Variants in UBE2E1 observed in about 807,000 individuals in gnomAD.
UBE2E1 encodes the protein ubiquitin conjugating enzyme E2 E1.
In UBE2E1, 6 loss-of-function variants were observed where a neutral mutation model predicts 21.4. That is an observed-to-expected ratio of 0.28 (90% CI 0.15 to 0.55). UBE2E1 has a LOEUF of 0.55. UBE2E1 is among the 20% of genes least tolerant of loss of function. The pLI, the probability that UBE2E1 is intolerant of heterozygous loss-of-function variation, is 0.93. For missense variants in UBE2E1, 142 were observed against 236.5 expected (o/e 0.60, Z 2.62); for synonymous variants, 87 against 82.7 (o/e 1.05, Z -0.28).
At chr3:23,886,115 C>T (rs972852445) in intron 3 of UBE2E1, among the ~76,000 whole-genome samples, 3 of 152,064 alleles carry the variant, frequency 2.0e-5, no homozygotes, top group Admixed American at 2.0e-4. Flanking sequence ...GTGGGAGGAT[C>T]ACTTGAGCCT....
At chr3:23,862,954 G>A (rs1386995162) in intron 3 of UBE2E1, among the ~76,000 whole-genome samples, 2 of 151,282 alleles carry the variant, frequency 1.3e-5, no homozygotes, top group East Asian at 1.9e-4. Context: ...TTGAACTTGC[G>A]ACCTCAAGCA....
At chr3:23,821,973 C>T (rs1699656131) in intron 3 of UBE2E1, among the ~76,000 whole-genome samples, 1 of 152,156 alleles carries the variant, frequency 6.6e-6, no homozygotes, top group Non-Finnish European at 1.5e-5. Flanking sequence ...GAATGCCTTT[C>T]TCTCTCCTAG....
rs1201791461 is a variant in UBE2E1 at position 23,827,257 on chromosome 3, T to G, written c.203+15747T>G. Among the ~76,000 whole-genome samples the G allele has an allele frequency of 3.3e-5, 5 of 152,226 alleles. No homozygotes were observed. In the East Asian group the frequency reaches 9.6e-4, roughly 29 times the overall value. On this transcript the variant is annotated intron_variant, in intron 3 of 5. Coordinates refer to ENST00000306627, the MANE Select transcript of UBE2E1 (RefSeq NM_003341.5). ...GAATTTTGGTAATTCTAAAATGATA[T>G]GAATGCATGAATATATCCAGTATTC...
At chr3:23,878,556 G>C (rs1700969620) in intron 3 of UBE2E1, among the ~76,000 whole-genome samples, 1 of 152,224 alleles carries the variant, frequency 6.6e-6, no homozygotes, top group South Asian at 2.1e-4. Flanking sequence ...AGCTCCATCT[G>C]TATTTACAGC....
At chr3:23,858,588 A>G (rs1241576819) in intron 3 of UBE2E1, among the ~76,000 whole-genome samples, 1 of 152,146 alleles carries the variant, frequency 6.6e-6, no homozygotes, top group African/African-American at 2.4e-5. Context: ...CCAAAGTGCT[A>G]GGATTACAGG....
At chr3:23,813,023 C>T (rs895181348) in intron 3 of UBE2E1, among the ~76,000 whole-genome samples, 1 of 151,358 alleles carries the variant, frequency 6.6e-6, no homozygotes, top group African/African-American at 2.4e-5. Context: ...AAGTACACTT[C>T]AGTTTCACAT....
intron 3 of UBE2E1, among the ~76,000 whole-genome samples, chr3:23,832,119 C>G (rs1432056815): frequency 6.6e-6 from 1 of 152,214 alleles, no homozygotes; most frequent in Non-Finnish European, 1.5e-5. Context: ...TGTCAGCCAT[C>G]TAGCACAGGG....
chr3:23,821,717 G>A (rs932381810), intron 3 of UBE2E1, among the ~76,000 whole-genome samples: 2 of 152,148 alleles, frequency 1.3e-5, no homozygotes, highest in Non-Finnish European at 2.9e-5. Flanking sequence ...TGATAGTGAT[G>A]TTTTACTGAT....
rs1699334244 is a variant in UBE2E1 at position 23,808,976 on chromosome 3, A to G, written c.152+1555A>G. The stretch of plus-strand genomic sequence containing the variant: ...GGGGGTAAAGACACAGGTATCAAAT[A>G]GAAAATACTCTGCTTTTGTTGTGAG... On this transcript the variant is annotated intron_variant, in intron 2 of 5. Coordinates refer to ENST00000306627, the MANE Select transcript of UBE2E1 (RefSeq NM_003341.5). This position sits in a 1 kb window ranked among gnomAD's most constrained non-coding sequence, Gnocchi z 4.9. 1 of 152,226 alleles carries G rather than the reference A, an allele frequency of 6.6e-6. No individual in the cohort carries two copies. The highest frequency in any genetic ancestry group is 2.4e-5 in the African/African-American group (1 of 41,466). 9.4% of individuals were successfully genotyped at this position (152,226 alleles called of 1,614,324 possible).
At chr3:23,879,352 G>T in intron 3 of UBE2E1, 1 of 633,814 alleles carries the variant, frequency 1.6e-6, no homozygotes, top group African/African-American at 1.9e-5. Flanking sequence ...CTTTTGGTAG[G>T]TACAGTATTT....
intron 3 of UBE2E1, among the ~76,000 whole-genome samples, chr3:23,812,062 A>C (rs1026293412): frequency 6.6e-6 from 1 of 152,104 alleles, no homozygotes; most frequent in Non-Finnish European, 1.5e-5. Context: ...TGTTTTTTTC[A>C]CTTGCTTTAT....
At chr3:23,878,125 C>G (rs1700957102) in intron 3 of UBE2E1, among the ~76,000 whole-genome samples, 1 of 152,152 alleles carries the variant, frequency 6.6e-6, no homozygotes, top group Non-Finnish European at 1.5e-5. Context: ...TTGGCTTCCC[C>G]AAATGGTAGT....
At chr3:23,864,337 A>G (rs1244309271) in intron 3 of UBE2E1, among the ~76,000 whole-genome samples, 1 of 151,998 alleles carries the variant, frequency 6.6e-6, no homozygotes, top group Non-Finnish European at 1.5e-5. Flanking sequence ...TCAATGTGGA[A>G]ACTCATGGCC....
At chr3:23,890,434 C>A in intron 5 of UBE2E1, 75 bp from the exon 6 acceptor site, 1 of 1,429,564 alleles carries the variant, frequency 7.0e-7, no homozygotes, top group Non-Finnish European at 9.6e-7. Context: ...CGTATCTACC[C>A]AAGCTGTCAC....
intron 3 of UBE2E1, among the ~76,000 whole-genome samples, chr3:23,851,925 C>T (rs907689703): frequency 3.3e-5 from 5 of 152,182 alleles, no homozygotes; most frequent in Admixed American, 6.5e-5. Flanking sequence ...CAGGGACAGA[C>T]CCTTCATGTA....
chr3:23,852,460 G>T (rs553698501), intron 3 of UBE2E1, among the ~76,000 whole-genome samples: 2 of 152,242 alleles, frequency 1.3e-5, no homozygotes, highest in East Asian at 3.9e-4. Flanking sequence ...TATTAATTTT[G>T]TATCCTACAG....
At chr3:23,812,370 C>CTA (rs1257627432) in intron 3 of UBE2E1, among the ~76,000 whole-genome samples, 1 of 152,170 alleles carries the variant, frequency 6.6e-6, no homozygotes, top group Non-Finnish European at 1.5e-5. Context: ...CAGAAATACT[C>CTA]TAAACTTATT....
At chr3:23,838,250 G>A (rs779392364) in intron 3 of UBE2E1, among the ~76,000 whole-genome samples, 114 of 151,730 alleles carry the variant, frequency 7.5e-4, no homozygotes, top group Non-Finnish European at 1.1e-3. Context: ...GAACTTCTTG[G>A]TAGAAAATGT....
rs944649969 is a variant in UBE2E1 at position 23,891,463 on chromosome 3, T to C, written c.*857T>C. On this transcript the variant is annotated 3_prime_UTR_variant, in exon 6 of 6. Transcript: ENST00000306627. ...GTTACCTATATTAGGATCTGTACTT[T>C]ACACAGCTGTAGATGAGGTATCCTA... 4 of 152,246 alleles carry C rather than the reference T, an allele frequency of 2.6e-5. No individual in the cohort carries two copies. Among genetic ancestry groups the C allele is most frequent in the South Asian group, 2.1e-4 (1 of 4,830 alleles). The allele number at this position is 152,246 out of a possible 1,614,324, so 9.4% of individuals were successfully genotyped here. A position where few individuals can be genotyped will look rare whatever the true frequency, so the allele number is the denominator to read the frequency against.
Sources: allele counts gnomAD v4.1 joint callset (sites outside exome capture counted in the v4.1 genomes callset), GRCh38; gene constraint gnomAD v4.1.1; non-coding constraint Gnocchi (gnomAD v3.1); transcripts MANE v1.5; gene names NCBI Gene and HGNC (gene_info 2026-07-23, HGNC 2026-07-21).